Variants in MYO1D observed in about 807,000 individuals in gnomAD.
The protein encoded by MYO1D is unconventional myosin-Id.
MYO1D carries 83 observed loss-of-function variants against 122.0 expected under a neutral mutation model. The observed-to-expected ratio is 0.68, with a 90% CI of 0.57 to 0.82. The LOEUF (loss-of-function observed/expected upper bound fraction) is 0.82, where lower values mean the gene tolerates loss of function less well. Among genes scored for constraint, MYO1D ranks in the 40% least tolerant of loss-of-function variants. MYO1D has a pLI of 0.00. For synonymous variants in MYO1D, 464 were observed against 446.9 expected (o/e 1.04, Z -0.48); for missense variants, 1,157 against 1,269.5 (o/e 0.91, Z 1.35).
At chr17:32,507,854 C>T (rs1402861850) in intron 21 of MYO1D, among the ~76,000 whole-genome samples, 2 of 151,042 alleles carry the variant, frequency 1.3e-5, no homozygotes, top group Non-Finnish European at 2.9e-5. Flanking sequence ...GTCTGCAACC[C>T]TTGAAGAGAG....
Position 32,513,408 on chromosome 17 carries a change from G to A in MYO1D, c.2865-18493C>T, listed in dbSNP as rs147630476. Among the ~76,000 whole-genome samples the A allele has an allele frequency of 3.3e-3, 507 of 152,312 alleles. 8 individuals carry two copies. Among genetic ancestry groups the A allele is most frequent in the East Asian group, 9.6e-4 (5 of 5,190 alleles). ...ACTCTACCATGTCTTCAGGTTTTGA[G>A]CTCATGTGATGGAGAAGGAGGTGGA... is the stretch of plus-strand genomic sequence containing the variant. On this transcript the variant is annotated intron_variant, in intron 21 of 21. Transcript: ENST00000318217.
intron 1 of MYO1D, among the ~76,000 whole-genome samples, chr17:32,795,459 A>G (rs987870821): frequency 6.6e-6 from 1 of 151,784 alleles, no homozygotes; most frequent in Non-Finnish European, 1.5e-5. Flanking sequence ...CAAGTTCCTC[A>G]GTGATTCAAC....
At chr17:32,652,973 C>T (rs895323584) in intron 19 of MYO1D, among the ~76,000 whole-genome samples, 2 of 152,114 alleles carry the variant, frequency 1.3e-5, no homozygotes, top group African/African-American at 2.4e-5. Flanking sequence ...AACCCCGTCT[C>T]TACTAAAGAA....
At chr17:32,747,954 A>G (rs2089854868) in intron 12 of MYO1D, among the ~76,000 whole-genome samples, 1 of 152,198 alleles carries the variant, frequency 6.6e-6, no homozygotes, top group Admixed American at 6.5e-5. Flanking sequence ...CAGTGCTACT[A>G]GAAGCTGGAA....
intron 21 of MYO1D, among the ~76,000 whole-genome samples, chr17:32,590,989 A>C (rs1421660484): frequency 6.6e-6 from 1 of 152,252 alleles, no homozygotes; most frequent in African/African-American, 2.4e-5. Context: ...TTCAACATAA[A>C]AGACAATGAT....
chr17:32,841,783 GAAGGAAGA>G (rs942788196), intron 1 of MYO1D, among the ~76,000 whole-genome samples: 1 of 152,120 alleles, frequency 6.6e-6, no homozygotes, highest in Non-Finnish European at 1.5e-5. Context: ...CAACAGGAAG[GAAGGAAGA>G]AAGAATGGAT....
At chr17:32,773,651 A>G (rs542733276) in intron 4 of MYO1D, among the ~76,000 whole-genome samples, 27 of 151,834 alleles carry the variant, frequency 1.8e-4, no homozygotes, top group African/African-American at 6.5e-4. Flanking sequence ...TGTGTTCTCA[A>G]GAACTTAAAA....
chr17:32,529,755 C>G (rs1468270995), intron 21 of MYO1D: 2 of 152,378 alleles, frequency 1.3e-5, no homozygotes, highest in African/African-American at 4.8e-5. Context: ...TGAGAGATTT[C>G]CCGGATGAGA....
At chr17:32,505,860 A>G (rs988806174) in intron 21 of MYO1D, among the ~76,000 whole-genome samples, 2 of 152,166 alleles carry the variant, frequency 1.3e-5, no homozygotes, top group African/African-American at 2.4e-5. Flanking sequence ...GGGCTGAAGG[A>G]AAAAAACCGT....
intron 1 of MYO1D, among the ~76,000 whole-genome samples, chr17:32,857,923 C>T (rs2091040711): frequency 6.6e-6 from 1 of 152,182 alleles, no homozygotes; most frequent in South Asian, 2.1e-4. Flanking sequence ...TATCATTATT[C>T]TTGGAACGAA....
chr17:32,685,160 G>A (rs1211820281), intron 16 of MYO1D, among the ~76,000 whole-genome samples: 1 of 152,008 alleles, frequency 6.6e-6, no homozygotes, highest in Non-Finnish European at 1.5e-5. Context: ...TTTTTTCACT[G>A]GGCCTGTGAG....
chr17:32,858,207 G>T (rs1052333694), intron 1 of MYO1D, among the ~76,000 whole-genome samples: 11 of 152,264 alleles, frequency 7.2e-5, no homozygotes, highest in Admixed American at 5.9e-4. Flanking sequence ...CACATGACCA[G>T]AAACTCATTA....
At chr17:32,811,089 T>C (rs1380976885) in intron 1 of MYO1D, among the ~76,000 whole-genome samples, 2 of 152,114 alleles carry the variant, frequency 1.3e-5, no homozygotes, top group African/African-American at 4.8e-5. Flanking sequence ...GAGGAAGACT[T>C]GAAAAAGACT....
At chr17:32,662,364 T>A (rs2088577396) in intron 16 of MYO1D, among the ~76,000 whole-genome samples, 1 of 152,214 alleles carries the variant, frequency 6.6e-6, no homozygotes, top group African/African-American at 2.4e-5. Flanking sequence ...TGTTTTCAAA[T>A]CCTGGTCCCA....
intron 1 of MYO1D, among the ~76,000 whole-genome samples, chr17:32,824,792 T>C (rs1193396176): frequency 3.3e-5 from 5 of 152,160 alleles, no homozygotes; most frequent in Non-Finnish European, 5.9e-5. Flanking sequence ...TTAATTTGAA[T>C]GTATGTATGG....
rs532283508 is a variant in MYO1D, at chr17:32,845,241, C to T, written c.95+31537G>A. On this transcript the variant is annotated intron_variant, in intron 1 of 21. Coordinates refer to ENST00000318217, the MANE Select transcript of MYO1D (RefSeq NM_015194.3). Reference sequence around the variant, plus strand: ...TTCGTCTTCAATTTTCACTAGTAAACCTTTTTAATAACTAAAAAGGTTCAA... The same window carrying T: ...TTCGTCTTCAATTTTCACTAGTAAATCTTTTTAATAACTAAAAAGGTTCAA... Among the ~76,000 whole-genome samples, 37 of 152,178 alleles carry T rather than the reference C, an allele frequency of 2.4e-4. 1 individual carries two copies. In the East Asian group the frequency reaches 7.2e-3, roughly 29 times the overall value.
chr17:32,802,042 G>T (rs1341195128), intron 1 of MYO1D, among the ~76,000 whole-genome samples: 1 of 152,190 alleles, frequency 6.6e-6, no homozygotes, highest in African/African-American at 2.4e-5. Flanking sequence ...TGGCTGTGTG[G>T]TATACAGCTT....
chr17:32,613,939 G>A (rs2087738135), intron 20 of MYO1D, among the ~76,000 whole-genome samples: 2 of 151,534 alleles, frequency 1.3e-5, no homozygotes, highest in Non-Finnish European at 1.5e-5. Flanking sequence ...TTTCAGCCAA[G>A]TATGAAGTTT....
At chr17:32,749,077 A>G (rs998712675) in intron 11 of MYO1D, 71 bp from the exon 12 acceptor site, 1 of 1,302,458 alleles carries the variant, frequency 7.7e-7, no homozygotes, top group African/African-American at 1.5e-5. Flanking sequence ...TTCCAGCTTA[A>G]TATGAAATGA....
Sources: gnomAD v4.1 joint callset for allele counts (sites outside exome capture counted in the v4.1 genomes callset) on GRCh38, gnomAD v4.1.1 for gene constraint, MANE v1.5 for transcripts, NCBI Gene and HGNC (gene_info 2026-07-23, HGNC 2026-07-21) for gene names.